Variants in ZNF600 observed in about 807,000 individuals in gnomAD.
ZNF600 encodes the protein zinc finger protein 600.
A neutral mutation model predicts 7.3 loss-of-function variants in ZNF600; 4 were observed. That is an observed-to-expected ratio of 0.55 (90% CI 0.27 to 1.25). ZNF600 has a LOEUF of 1.25. ZNF600 is among the 50% of genes most tolerant of loss of function. ZNF600 has a pLI of 0.12. For missense variants in ZNF600, 911 were observed against 922.1 expected, an observed-to-expected ratio of 0.99 and a Z score of 0.16; for synonymous variants, 290 against 308.9, an observed-to-expected ratio of 0.94 and a Z score of 0.64.
chr19:52,808,950 G>A, the ZNF600 span, among the ~76,000 whole-genome samples: 2 of 152,134 alleles, frequency 1.3e-5, no homozygotes, highest in African/African-American at 4.8e-5. Flanking sequence ...ATTTGTCCCA[G>A]ATTTTCAAAA....
chr19:52,784,930 CCTCA>C (rs930532863), intron 1 of ZNF600, among the ~76,000 whole-genome samples: 4 of 151,708 alleles, frequency 2.6e-5, no homozygotes, highest in African/African-American at 7.3e-5. Context: ...ATGGGGGGAG[CCTCA>C]CTATTTTGCC....
At chr19:52,771,480 A>G (rs1600380799) in intron 3 of ZNF600, among the ~76,000 whole-genome samples, 1 of 148,368 alleles carries the variant, frequency 6.7e-6, no homozygotes, top group Non-Finnish European at 1.5e-5. Flanking sequence ...TGCCTGGCTA[A>G]TTTTTTTTTT....
chr19:52,807,886 A>C, the ZNF600 span: 1 of 1,478,822 alleles, frequency 6.8e-7, no homozygotes, highest in East Asian at 2.3e-5. Context: ...TACATCATGA[A>C]GCTTTTCATT....
At chr19:52,786,014 T>G (rs2062760662) in intron 1 of ZNF600, among the ~76,000 whole-genome samples, 1 of 152,154 alleles carries the variant, frequency 6.6e-6, no homozygotes, top group South Asian at 2.1e-4. Context: ...CATTCTTCTT[T>G]TCTCTGTCTC....
chr19:52,819,325 T>G, the ZNF600 span, among the ~76,000 whole-genome samples: 4 of 144,058 alleles, frequency 2.8e-5, 1 homozygote, highest in Non-Finnish European at 4.5e-5. Context: ...GCTGTGATAT[T>G]CTAATACAGA....
At chr19:52,799,807 G>A in the ZNF600 span, 1 of 1,610,728 alleles carries the variant, frequency 6.2e-7, no homozygotes, top group South Asian at 1.1e-5. Flanking sequence ...CTCTGATGCT[G>A]TGCAAGGTGT....
At chr19:52,790,330 C>T (rs576663361), upstream of ZNF600, among the ~76,000 whole-genome samples, 6 of 152,212 alleles carry the variant, frequency 3.9e-5, no homozygotes, top group East Asian at 1.2e-3. Context: ...AACCCTATCT[C>T]TACTAAAAAT....
the ZNF600 span, among the ~76,000 whole-genome samples, chr19:52,803,268 G>A: frequency 1.4e-4 from 21 of 151,308 alleles, no homozygotes; most frequent in African/African-American, 4.4e-4. Flanking sequence ...GTAGAGATGG[G>A]GTTTGGTGAA....
At chr19:52,809,158 T>C in the ZNF600 span, among the ~76,000 whole-genome samples, 1 of 152,204 alleles carries the variant, frequency 6.6e-6, no homozygotes, top group Non-Finnish European at 1.5e-5. Context: ...GGGGGAATCT[T>C]GTCAGATCTA....
chr19:52,779,716 T>C (rs1358228267), intron 1 of ZNF600, among the ~76,000 whole-genome samples: 6 of 152,164 alleles, frequency 3.9e-5, no homozygotes, highest in Non-Finnish European at 8.8e-5. Context: ...CATAGATGCA[T>C]GTCTGAGTGC....
rs188821479 is a variant in ZNF600, at chr19:52,770,112, T to C, written c.191-2340A>G. On this transcript the variant is annotated intron_variant, in intron 3 of 3. Coordinates refer to ENST00000648973, the Ensembl canonical transcript of ZNF600. ...GTTAAGATCACTACCTTCTCATGTA[T>C]GAGGTCAAGAAAATACACAGCATTT... is the stretch of plus-strand genomic sequence containing the variant. Among the ~76,000 whole-genome samples the C allele has an allele frequency of 7.9e-5, 12 of 152,230 alleles. No individual in the cohort carries two copies. In the East Asian group the frequency reaches 2.3e-3, roughly 29 times the overall value.
the ZNF600 span, among the ~76,000 whole-genome samples, chr19:52,814,671 G>T: frequency 5.5e-5 from 8 of 146,050 alleles, no homozygotes; most frequent in Non-Finnish European, 1.2e-4. Context: ...CAGATCACGA[G>T]GTTAGGAAAT....
chr19:52,803,910 T>C, the ZNF600 span, among the ~76,000 whole-genome samples: 1 of 151,996 alleles, frequency 6.6e-6, no homozygotes, highest in Non-Finnish European at 1.5e-5. Flanking sequence ...TGAGCTGAGA[T>C]CATGCCACTG....
At chr19:52,819,460 C>T in the ZNF600 span, among the ~76,000 whole-genome samples, 2 of 118,434 alleles carry the variant, frequency 1.7e-5, no homozygotes, top group African/African-American at 7.0e-5. Flanking sequence ...ACTGGGCACT[C>T]CCCTCTACCA....
chr19:52,767,449 T>C (rs776939656), exon 4 of ZNF600: 12 of 1,614,158 alleles, frequency 7.4e-6, no homozygotes, highest in Non-Finnish European at 1.0e-5. Context: ...TTACCTTTGA[T>C]CTGAATTATG....
chr19:52,766,197 T>C lies in ZNF600; in HGVS notation c.1766A>G (p.His589Arg), dbSNP rs149472931. 11 of 1,613,728 alleles carry C rather than the reference T, an allele frequency of 6.8e-6. No individual in the cohort carries two copies. Among genetic ancestry groups the C allele is most frequent in the African/African-American group, 2.7e-5 (2 of 75,060 alleles). ...ACACTTGTAAGGTTTCTCACCACTA[T>C]GAACTCTGCGATGGCTTGCAAGGTA... Residue 589 changes from histidine (H) to arginine (R), a missense_variant, in exon 4 of 4, where the codon CAT (histidine) becomes CGT (arginine). Transcript: ENST00000648973.
At chr19:52,767,554 C>T (rs763257070) in exon 4 of ZNF600, 2 of 1,613,888 alleles carry the variant, frequency 1.2e-6, no homozygotes, top group Middle Eastern at 1.7e-4. Flanking sequence ...TCTGTGCTAC[C>T]AGTCAACTTT....
rs140889768 is a variant in ZNF600, at chr19:52,766,425, T to A, written c.1538A>T (p.Tyr513Phe). Residue 513 changes from tyrosine (Y) to phenylalanine (F), a missense_variant, in exon 4 of 4, where the codon TAT (tyrosine) becomes TTT (phenylalanine). Coordinates refer to ENST00000648973, the Ensembl canonical transcript of ZNF600. ...ACTGAAAACCTTTTCACATTCTTCA[T>A]ATTTGTAAGGTTGCTCTCCAGTATG... 2.2e-4 allele frequency: 354 copies of A among 1,613,932 alleles called. 4 individuals carry two copies. In the East Asian group the frequency reaches 6.2e-3, roughly 28 times the overall value.
chr19:52,778,156 G>C (rs1224189508), intron 2 of ZNF600, among the ~76,000 whole-genome samples: 2 of 152,016 alleles, frequency 1.3e-5, no homozygotes, highest in Non-Finnish European at 2.9e-5. Context: ...TGAGATTACA[G>C]GCATGCACCA....
Sources: allele counts gnomAD v4.1 joint callset (sites outside exome capture counted in the v4.1 genomes callset), GRCh38; gene constraint gnomAD v4.1.1; transcripts MANE v1.5; gene names NCBI Gene and HGNC (gene_info 2026-07-23, HGNC 2026-07-21).